The following TPST1 variants were observed in gnomAD, a reference collection of about 807,000 sequenced individuals.
TPST1 encodes tyrosylprotein sulfotransferase 1, also known as protein-tyrosine sulfotransferase 1.
Under a neutral mutation model 34.8 loss-of-function variants are expected in TPST1, and 20 were observed. The ratio of observed to expected loss-of-function variants is 0.57; its 90% CI spans 0.40 to 0.84. TPST1 has a LOEUF of 0.84. TPST1 is among the 40% of genes least tolerant of loss of function. The pLI is 0.00. For missense variants in TPST1, 353 were observed against 455.5 expected (o/e 0.78, Z 2.05); for synonymous variants, 152 against 159.4 (o/e 0.95, Z 0.35).
chr7:66,327,358 T>G (rs1191670288), intron 3 of TPST1, among the ~76,000 whole-genome samples: 1 of 152,116 alleles, frequency 6.6e-6, no homozygotes, highest in African/African-American at 2.4e-5. Context: ...TAAATTATAT[T>G]TAGTTCACAG....
intron 2 of TPST1, among the ~76,000 whole-genome samples, chr7:66,259,654 GTA>G (rs1448848105): frequency 6.6e-6 from 1 of 152,046 alleles, no homozygotes; most frequent in Admixed American, 6.5e-5. Context: ...AACAGAAAGT[GTA>G]GAGAGTTCCC....
At position 66,328,904 on chromosome 7, in the gene TPST1, ATATTTTT is replaced by A. The variant is rs1332088221; in HGVS notation, c.1045-23599_1045-23593del. Among the ~76,000 whole-genome samples, 30 of 25,978 alleles carry A rather than the reference ATATTTTT, an allele frequency of 1.2e-3. No individual in the cohort carries two copies. In the East Asian group the frequency reaches 0.014, roughly 12 times the overall value. 17.0% of individuals were successfully genotyped at this position (25,978 alleles called of 152,430 possible). The stretch of plus-strand genomic sequence containing the variant: ...TCTCTCTCTATATATATATATATAT[ATATTTTT>A]TTTTTTTTTTTTTTTTTTGAGACAG... On this transcript the variant is annotated intron_variant, in intron 3 of 5. Coordinates refer to ENST00000304842, the MANE Select transcript of TPST1 (RefSeq NM_003596.4).
chr7:66,330,837 C>T (rs1233275670), intron 3 of TPST1, among the ~76,000 whole-genome samples: 4 of 152,212 alleles, frequency 2.6e-5, no homozygotes, highest in Admixed American at 1.3e-4. Context: ...TGGAACTTTA[C>T]TCCTGATACC....
intron 3 of TPST1, among the ~76,000 whole-genome samples, chr7:66,327,770 A>G (rs1428647234): frequency 6.6e-6 from 1 of 151,836 alleles, no homozygotes; most frequent in African/African-American, 2.4e-5. Context: ...CGTTGAAGAA[A>G]ACTATGAGAA....
intron 4 of TPST1, among the ~76,000 whole-genome samples, chr7:66,354,636 C>T (rs1216621450): frequency 6.6e-6 from 1 of 150,892 alleles, no homozygotes; most frequent in Non-Finnish European, 1.5e-5. Flanking sequence ...TCCTGCTTCA[C>T]AACATACCTA....
chr7:66,254,540 A>G (rs1420959813), intron 2 of TPST1, among the ~76,000 whole-genome samples: 2 of 151,838 alleles, frequency 1.3e-5, no homozygotes, highest in African/African-American at 4.8e-5. Context: ...AGTCGCTGGG[A>G]TTGCAAGTGT....
chr7:66,268,355 C>T (rs1790632289), intron 2 of TPST1, among the ~76,000 whole-genome samples: 2 of 152,168 alleles, frequency 1.3e-5, no homozygotes, highest in Non-Finnish European at 2.9e-5. Context: ...CTTAGATTTT[C>T]TAATGAGACC....
intron 1 of TPST1, among the ~76,000 whole-genome samples, chr7:66,224,901 C>CTTTTTTTTTTTTTTTTTTTTT (rs780952403): frequency 9.4e-5 from 4 of 42,408 alleles, no homozygotes; most frequent in East Asian, 8.1e-4. Flanking sequence ...TTCTGGTATT[C>CTTTTTTTTTTTTTTTTTTTTT]TTTTTTTTTT....
At position 66,311,848 on chromosome 7, in the gene TPST1, G is replaced by C. The variant is rs183191370; in HGVS notation, c.1044+25139G>C. Among the ~76,000 whole-genome samples the C allele has an allele frequency of 3.9e-5, 6 of 152,360 alleles. No homozygotes were observed. The East Asian group carries it at 1.2e-3, about 29-fold the overall frequency. On this transcript the variant is annotated intron_variant, in intron 3 of 5. Transcript: ENST00000304842. ...GAGACTACCCCACAGGAATAGCCTT[G>C]TCAAGGCCTGATTGTGCCCTTTGAC...
intron 1 of TPST1, among the ~76,000 whole-genome samples, chr7:66,233,397 T>C (rs962498629): frequency 2.0e-5 from 3 of 152,262 alleles, no homozygotes; most frequent in Non-Finnish European, 2.9e-5. Context: ...ATGGTAGGTA[T>C]CCAACTTCAT....
intron 1 of TPST1, among the ~76,000 whole-genome samples, chr7:66,209,749 A>G (rs1168814976): frequency 6.6e-6 from 1 of 151,932 alleles, no homozygotes; most frequent in Non-Finnish European, 1.5e-5. Context: ...GGGCTTTGAA[A>G]TCAGGATGGG....
intron 3 of TPST1, among the ~76,000 whole-genome samples, chr7:66,326,348 C>T (rs888723802): frequency 6.6e-6 from 1 of 152,074 alleles, no homozygotes. Flanking sequence ...TCAGAGATGG[C>T]GCTACTGTAT....
At chr7:66,275,435 T>G (rs1009720715) in intron 2 of TPST1, among the ~76,000 whole-genome samples, 2 of 152,158 alleles carry the variant, frequency 1.3e-5, no homozygotes, top group African/African-American at 4.8e-5. Context: ...CACATGTTCA[T>G]TACAGCACTA....
chr7:66,325,129 G>A (rs561338427), intron 3 of TPST1, among the ~76,000 whole-genome samples: 5 of 152,248 alleles, frequency 3.3e-5, no homozygotes, highest in South Asian at 2.1e-4. Flanking sequence ...AAGGTCAAGA[G>A]GAAGCAAGGC....
At chr7:66,270,191 C>T (rs979190362) in intron 2 of TPST1, among the ~76,000 whole-genome samples, 1 of 152,056 alleles carries the variant, frequency 6.6e-6, no homozygotes, top group South Asian at 2.1e-4. Context: ...CCACGCCTGG[C>T]CTAGTCAAGG....
intron 1 of TPST1, among the ~76,000 whole-genome samples, chr7:66,224,337 A>T (rs1789605055): frequency 6.6e-6 from 1 of 152,236 alleles, no homozygotes; most frequent in Non-Finnish European, 1.5e-5. Flanking sequence ...GAAACCAGAT[A>T]CAGACTGGAC....
intron 3 of TPST1, among the ~76,000 whole-genome samples, chr7:66,328,894 A>ATT (rs1791933558): frequency 2.5e-5 from 1 of 39,248 alleles, no homozygotes; most frequent in East Asian, 4.9e-4. Context: ...CTCTATATAT[A>ATT]TATATATATA....
At chr7:66,358,405 T>C (rs1374764983) in intron 5 of TPST1, among the ~76,000 whole-genome samples, 1 of 151,534 alleles carries the variant, frequency 6.6e-6, no homozygotes, top group Non-Finnish European at 1.5e-5. Context: ...AGGCATAAAA[T>C]ACCAAGGATT....
rs547001464 is a variant in TPST1 at position 66,317,054 on chromosome 7, G to A, written c.1044+30345G>A. On this transcript the variant is annotated intron_variant, in intron 3 of 5. Coordinates refer to ENST00000304842, the MANE Select transcript of TPST1 (RefSeq NM_003596.4). Reference sequence around the variant, plus strand: ...TTACCTATAGAACAAAACTGTACATGTTCCCCTGAACTTAAAATAAAAGTT... The same window carrying A: ...TTACCTATAGAACAAAACTGTACATATTCCCCTGAACTTAAAATAAAAGTT... Among the ~76,000 whole-genome samples, 4 of 152,298 alleles carry A rather than the reference G, an allele frequency of 2.6e-5. No individual in the cohort carries two copies. The East Asian group carries it at 7.7e-4, about 29-fold the overall frequency.
Sources: gnomAD v4.1 joint callset for allele counts (sites outside exome capture counted in the v4.1 genomes callset) on GRCh38, gnomAD v4.1.1 for gene constraint, MANE v1.5 for transcripts, NCBI Gene and HGNC (gene_info 2026-07-23, HGNC 2026-07-21) for gene names.